Variants in NRXN3 observed in about 807,000 individuals in gnomAD.
NRXN3 encodes the protein neurexin III.
A neutral mutation model predicts 137.6 loss-of-function variants in NRXN3; 32 were observed. The observed-to-expected ratio is 0.23, with a 90% CI of 0.18 to 0.31. The LOEUF (loss-of-function observed/expected upper bound fraction) is 0.31, where lower values mean the gene tolerates loss of function less well. Among genes scored for constraint, NRXN3 ranks in the 10% least tolerant of loss-of-function variants. The probability of loss-of-function intolerance (pLI) is 1.00; values close to 1 mark genes in which losing one functional copy is unlikely to be tolerated. For missense variants in NRXN3, 1,574 were observed against 2,062.5 expected, an observed-to-expected ratio of 0.76 and a Z score of 4.59; for synonymous variants, 798 against 784.5, an observed-to-expected ratio of 1.02 and a Z score of -0.29.
chr14:78,380,307 C>CAA (rs34099445), intron 4 of NRXN3, among the ~76,000 whole-genome samples: 32,346 of 99,654 alleles, frequency 0.32, 6,269 homozygotes, highest in Non-Finnish European at 0.41. Flanking sequence ...GACTCCGTCT[C>CAA]AAAAAAAAAA....
chr14:78,500,661 C>T (rs1487143427), intron 4 of NRXN3, among the ~76,000 whole-genome samples: 1 of 152,118 alleles, frequency 6.6e-6, no homozygotes, highest in Non-Finnish European at 1.5e-5. Context: ...TACTATCTCA[C>T]CTTAGGGTCC....
At chr14:78,455,499 G>A (rs2094673442) in intron 4 of NRXN3, among the ~76,000 whole-genome samples, 1 of 152,196 alleles carries the variant, frequency 6.6e-6, no homozygotes, top group Non-Finnish European at 1.5e-5. Flanking sequence ...CGTGCTGTTG[G>A]CAGCAGTGCC....
chr14:78,408,482 T>C (rs565223463), intron 4 of NRXN3, among the ~76,000 whole-genome samples: 1 of 152,322 alleles, frequency 6.6e-6, no homozygotes, highest in South Asian at 2.1e-4. Flanking sequence ...TCTTTGGTGG[T>C]GAATCTCTTT....
At chr14:79,844,714 G>T (rs989081369) in intron 20 of NRXN3, among the ~76,000 whole-genome samples, 2 of 152,046 alleles carry the variant, frequency 1.3e-5, no homozygotes, top group Non-Finnish European at 2.9e-5. Flanking sequence ...AAAGACTACA[G>T]GCATAGTACA....
At chr14:79,551,580 G>A (rs966888465) in intron 16 of NRXN3, among the ~76,000 whole-genome samples, 6 of 152,120 alleles carry the variant, frequency 3.9e-5, no homozygotes, top group South Asian at 4.1e-4. Flanking sequence ...TGTTTTCTTC[G>A]TCAAGAGTTT....
chr14:79,334,375 C>T (rs1424904223), intron 15 of NRXN3, among the ~76,000 whole-genome samples: 1 of 152,146 alleles, frequency 6.6e-6, no homozygotes, highest in Non-Finnish European at 1.5e-5. Flanking sequence ...TGAGGCAAAG[C>T]AACAAGATGT....
intron 4 of NRXN3, among the ~76,000 whole-genome samples, chr14:78,494,133 T>A (rs1374171346): frequency 6.6e-6 from 1 of 152,216 alleles, no homozygotes; most frequent in Non-Finnish European, 1.5e-5. Context: ...ATAGCAGAGA[T>A]GCTTTCCTTT....
chr14:79,114,380 A>G (rs1377445067), intron 15 of NRXN3, among the ~76,000 whole-genome samples: 1 of 152,106 alleles, frequency 6.6e-6, no homozygotes, highest in African/African-American at 2.4e-5. Context: ...TTTTGTTATG[A>G]GACAGGGTCT....
At chr14:78,286,400 G>A (rs1015600332) in intron 3 of NRXN3, among the ~76,000 whole-genome samples, 2 of 152,018 alleles carry the variant, frequency 1.3e-5, no homozygotes, top group African/African-American at 4.8e-5. Flanking sequence ...GGGAAATGAG[G>A]CAACAGACCT....
chr14:78,878,172 A>G (rs1038820926), intron 10 of NRXN3, among the ~76,000 whole-genome samples: 18 of 152,276 alleles, frequency 1.2e-4, no homozygotes, highest in African/African-American at 4.1e-4. Context: ...TATTTTTCAT[A>G]ATCACAAGTA....
chr14:79,833,609 T>C (rs2099329283), intron 20 of NRXN3, among the ~76,000 whole-genome samples: 1 of 122,390 alleles, frequency 8.2e-6, no homozygotes. Context: ...ATAGGGTTTA[T>C]TAACAAAAAA....
chr14:79,474,970 T>A (rs2096547063), intron 16 of NRXN3, among the ~76,000 whole-genome samples: 1 of 152,054 alleles, frequency 6.6e-6, no homozygotes, highest in African/African-American at 2.4e-5. Context: ...AGTATCAAAA[T>A]GGTTTTAGAC....
intron 17 of NRXN3, among the ~76,000 whole-genome samples, chr14:79,684,732 C>G (rs2098687984): frequency 6.6e-6 from 1 of 152,146 alleles, no homozygotes; most frequent in Non-Finnish European, 1.5e-5. Flanking sequence ...ATCAAATATT[C>G]TGGCATTCTG....
intron 15 of NRXN3, among the ~76,000 whole-genome samples, chr14:79,059,965 T>A (rs569985321): frequency 6.6e-6 from 1 of 152,350 alleles, no homozygotes; most frequent in South Asian, 2.1e-4. Context: ...TGGCCTTGGT[T>A]TGCAGGTTTG....
At chr14:79,381,022 G>A (rs2094455598) in intron 15 of NRXN3, among the ~76,000 whole-genome samples, 1 of 152,038 alleles carries the variant, frequency 6.6e-6, no homozygotes, top group South Asian at 2.1e-4. Context: ...GGCAGGTAAA[G>A]GGTACACATG....
chr14:79,359,889 T>C (rs1169886566), intron 15 of NRXN3, among the ~76,000 whole-genome samples: 2 of 152,126 alleles, frequency 1.3e-5, no homozygotes, highest in Non-Finnish European at 2.9e-5. Context: ...AGCAGAACAA[T>C]GGGAAAAGAC....
At chr14:78,266,790 A>G (rs1040324076) in intron 2 of NRXN3, among the ~76,000 whole-genome samples, 1 of 152,160 alleles carries the variant, frequency 6.6e-6, no homozygotes, top group Non-Finnish European at 1.5e-5. Context: ...TTACTTTACA[A>G]AGAAGAAGAA....
intron 10 of NRXN3, among the ~76,000 whole-genome samples, chr14:78,948,124 G>C (rs2099371639): frequency 6.6e-6 from 1 of 152,168 alleles, no homozygotes; most frequent in Non-Finnish European, 1.5e-5. Flanking sequence ...AGTTTTTCTG[G>C]AGTGGTCCCC....
chr14:78,435,485 C>T (rs975118986), intron 4 of NRXN3, among the ~76,000 whole-genome samples: 5 of 152,156 alleles, frequency 3.3e-5, no homozygotes, highest in Non-Finnish European at 7.3e-5. Flanking sequence ...TCACCGCACT[C>T]ACATTAAAGA....
Sources: allele counts gnomAD v4.1 joint callset (sites outside exome capture counted in the v4.1 genomes callset), GRCh38; gene constraint gnomAD v4.1.1; transcripts MANE v1.5; gene names NCBI Gene and HGNC (gene_info 2026-07-23, HGNC 2026-07-21).